PPP1R14C: variants seen among roughly 807,000 people sequenced by gnomAD.
PPP1R14C encodes the protein protein phosphatase 1 regulatory inhibitor subunit 14C, also known as protein phosphatase 1 regulatory subunit 14C.
In PPP1R14C, 16 loss-of-function variants were observed where a neutral mutation model predicts 20.4. The ratio of observed to expected loss-of-function variants is 0.78; its 90% CI spans 0.53 to 1.19. PPP1R14C has a LOEUF of 1.19. PPP1R14C is among the 50% of genes most tolerant of loss of function. PPP1R14C has a pLI of 0.00. For missense variants in PPP1R14C, 211 were observed against 220.1 expected (o/e 0.96, Z 0.26); for synonymous variants, 91 against 91.0 (o/e 1.00, Z 0.00).
At chr6:150,223,700 GT>G (rs201499475) in intron 3 of PPP1R14C, among the ~76,000 whole-genome samples, 29 of 150,542 alleles carry the variant, frequency 1.9e-4, no homozygotes, top group African/African-American at 5.1e-4. Context: ...GGGTGTGTTT[GT>G]TTTTTTTTGT....
intron 3 of PPP1R14C, among the ~76,000 whole-genome samples, chr6:150,221,044 G>A (rs967396936): frequency 6.6e-6 from 1 of 152,166 alleles, no homozygotes; most frequent in African/African-American, 2.4e-5. Flanking sequence ...GTAAAATGCT[G>A]AGGAATTTCA....
At chr6:150,219,645 C>T (rs1380509389) in intron 3 of PPP1R14C, among the ~76,000 whole-genome samples, 1 of 152,188 alleles carries the variant, frequency 6.6e-6, no homozygotes, top group African/African-American at 2.4e-5. Context: ...TGCCCCCAGA[C>T]TTTTCTCCTG....
At chr6:150,168,393 C>T (rs941398902) in intron 1 of PPP1R14C, among the ~76,000 whole-genome samples, 3 of 151,868 alleles carry the variant, frequency 2.0e-5, no homozygotes, top group Non-Finnish European at 4.4e-5. Context: ...ATTACCTGGG[C>T]GTAGTGGCGG....
intron 1 of PPP1R14C, among the ~76,000 whole-genome samples, chr6:150,152,832 G>A (rs1777265490): frequency 1.3e-5 from 2 of 152,170 alleles, no homozygotes; most frequent in African/African-American, 4.8e-5. Context: ...CTCTGCTATG[G>A]ACTGAATGTT....
chr6:150,232,864 AT>A (rs1185596315), intron 3 of PPP1R14C, among the ~76,000 whole-genome samples: 4 of 152,252 alleles, frequency 2.6e-5, no homozygotes, highest in Non-Finnish European at 4.4e-5. Context: ...GAATATTTGT[AT>A]TTGACTAGAA....
intron 1 of PPP1R14C, among the ~76,000 whole-genome samples, chr6:150,171,705 CAT>C (rs1777501909): frequency 6.6e-6 from 1 of 152,228 alleles, no homozygotes; most frequent in Admixed American, 6.6e-5. Context: ...TAGCACAAGA[CAT>C]ATTTTATTTA....
chr6:150,217,141 T>A (rs940891241), intron 3 of PPP1R14C, among the ~76,000 whole-genome samples: 2 of 152,108 alleles, frequency 1.3e-5, no homozygotes, highest in African/African-American at 2.4e-5. Context: ...ATCATTTTAG[T>A]AAAAGTTTTA....
intron 1 of PPP1R14C, among the ~76,000 whole-genome samples, chr6:150,176,026 G>C (rs1777558421): frequency 6.6e-6 from 1 of 152,224 alleles, no homozygotes; most frequent in Admixed American, 6.5e-5. Context: ...TTCCACTGGG[G>C]ATACTTAGAA....
chr6:150,164,569 A>T (rs1777404381), intron 1 of PPP1R14C: 1 of 166,498 alleles, frequency 6.0e-6, no homozygotes, highest in African/African-American at 2.4e-5. Context: ...TATAATGTAG[A>T]GATTACGATT....
chr6:150,153,970 A>T (rs949257855), intron 1 of PPP1R14C, among the ~76,000 whole-genome samples: 7 of 152,224 alleles, frequency 4.6e-5, no homozygotes, highest in African/African-American at 1.7e-4. Context: ...AAGTAGAAAA[A>T]GTAAAGGAAC....
At chr6:150,148,444 A>G (rs1777203140) in intron 1 of PPP1R14C, among the ~76,000 whole-genome samples, 1 of 152,254 alleles carries the variant, frequency 6.6e-6, no homozygotes, top group East Asian at 1.9e-4. Flanking sequence ...GCCTGTTCCC[A>G]GATGCTGCTG....
chr6:150,143,967 T>G lies in PPP1R14C; in HGVS notation c.306+469T>G, dbSNP rs1280486827. Among the ~76,000 whole-genome samples, 2 of 152,110 alleles carry G rather than the reference T, an allele frequency of 1.3e-5. No homozygotes were observed. Among genetic ancestry groups the G allele is most frequent in the Non-Finnish European group, 2.9e-5 (2 of 68,010 alleles). ...GCAGGGAAGGAAGGAAGCTGCCTCGTGGAAAGGAGAGGTTCTGGGGATCTC... is the reference window on the plus strand; with the variant it reads ...GCAGGGAAGGAAGGAAGCTGCCTCGGGGAAAGGAGAGGTTCTGGGGATCTC... On this transcript the variant is annotated intron_variant, in intron 1 of 3. Transcript: ENST00000361131. This position sits in a 1 kb window ranked among gnomAD's most constrained non-coding sequence, Gnocchi z 5.6.
At position 150,143,401 on chromosome 6, in the gene PPP1R14C, GA is replaced by G. The variant is rs1417626403; in HGVS notation, c.213del (p.Val72Ter). ...CAACAGCAGCGGCGACACCAGCAGG[GA>G]AAAGTGACAGTGAAATACGATCGTA... ...QQQQQRRHQQ[G>X]KVTVKYDRKE... is the part of the protein sequence containing the mutation. On this transcript the variant is annotated frameshift_variant, in exon 1 of 4. Transcript: ENST00000361131. LOFTEE classifies it high-confidence loss of function. This position sits in a 1 kb window ranked among gnomAD's most constrained non-coding sequence, Gnocchi z 5.6. The G allele has an allele frequency of 1.9e-6, 3 of 1,612,350 alleles. No homozygotes were observed. The highest frequency in any genetic ancestry group is 1.7e-5 in the Admixed American group (1 of 59,894).
In PPP1R14C at chr6:150,143,202, G is replaced by T; in HGVS notation, c.10G>T (p.Ala4Ser). The change falls in exon 1 of 4, where the codon GCG (alanine) becomes TCG (serine). Residue 4 changes from alanine to serine, a missense_variant. Physicochemically the swap from Ala to Ser is moderately conservative, Grantham distance 99. Coordinates refer to ENST00000361131, the MANE Select transcript of PPP1R14C (RefSeq NM_030949.3). The surrounding 1 kb of genome is among the most constrained non-coding windows in gnomAD (Gnocchi z 5.6). ...TCGGGCGCGCGGGGACATGTCGGTG[G>T]CGACGGGCAGCAGCGAGACGGCCGG... MSVATGSSETAGGA... is the reference protein window; with the variant it reads MSVSTGSSETAGGA... 3 of 1,348,630 alleles carry T rather than the reference G, an allele frequency of 2.2e-6. No individual in the cohort carries two copies. Among genetic ancestry groups the T allele is most frequent in the Non-Finnish European group, 2.8e-6 (3 of 1,060,418 alleles). The allele number at this position is 1,348,630 out of a possible 1,614,324, so 83.5% of individuals were successfully genotyped here. A position where few individuals can be genotyped will look rare whatever the true frequency, so the allele number is the denominator to read the frequency against.
chr6:150,148,371 A>G (rs1777202363), intron 1 of PPP1R14C, among the ~76,000 whole-genome samples: 1 of 152,202 alleles, frequency 6.6e-6, no homozygotes, highest in Non-Finnish European at 1.5e-5. Flanking sequence ...ACACCTTAAC[A>G]AATGGCCTGT....
chr6:150,169,411 A>G (rs1262143366), intron 1 of PPP1R14C, among the ~76,000 whole-genome samples: 1 of 152,220 alleles, frequency 6.6e-6, no homozygotes, highest in Non-Finnish European at 1.5e-5. Context: ...AAACAATAAA[A>G]TAAGAACTTA....
At chr6:150,219,844 A>G (rs999183709) in intron 3 of PPP1R14C, among the ~76,000 whole-genome samples, 3 of 150,238 alleles carry the variant, frequency 2.0e-5, no homozygotes, top group Admixed American at 6.6e-5. Flanking sequence ...ATTTGTGTGT[A>G]TAAGAACGGC....
chr6:150,206,933 C>T (rs1044923209), intron 1 of PPP1R14C, among the ~76,000 whole-genome samples: 3 of 151,398 alleles, frequency 2.0e-5, no homozygotes, highest in Admixed American at 6.6e-5. Flanking sequence ...GGCATGATCT[C>T]GGCTCATTGA....
At chr6:150,240,700 GAA>G (rs1001559184) in intron 3 of PPP1R14C, among the ~76,000 whole-genome samples, 2 of 152,212 alleles carry the variant, frequency 1.3e-5, no homozygotes, top group Non-Finnish European at 2.9e-5. Flanking sequence ...AGGAGGGTTG[GAA>G]AGAGAACAGC....
Sources: gnomAD v4.1 joint callset for allele counts (sites outside exome capture counted in the v4.1 genomes callset) on GRCh38, gnomAD v4.1.1 for gene constraint, Gnocchi (gnomAD v3.1) non-coding constraint, MANE v1.5 for transcripts, NCBI Gene and HGNC (gene_info 2026-07-23, HGNC 2026-07-21) for gene names.